PFKFB3: variants seen among roughly 807,000 people sequenced by gnomAD.
PFKFB3 encodes 6-phosphofructo-2-kinase/fructose-2,6-biphosphatase 3.
PFKFB3 carries 33 observed loss-of-function variants against 68.0 expected under a neutral mutation model. The observed-to-expected ratio is 0.49, with a 90% CI of 0.37 to 0.65. The LOEUF (loss-of-function observed/expected upper bound fraction) is 0.65, where lower values mean the gene tolerates loss of function less well. Ranked by LOEUF, PFKFB3 falls within the 30% of genes least tolerant of loss-of-function variation. The probability of loss-of-function intolerance (pLI) is 0.00; values close to 1 mark genes in which losing one functional copy is unlikely to be tolerated. For synonymous variants in PFKFB3, 315 were observed against 288.2 expected (o/e 1.09, Z -0.94); for missense variants, 586 against 712.2 (o/e 0.82, Z 2.02).
chr10:6,218,501 T>C (rs1264900001), intron 6 of PFKFB3, among the ~76,000 whole-genome samples: 1 of 152,122 alleles, frequency 6.6e-6, no homozygotes, highest in Non-Finnish European at 1.5e-5. Flanking sequence ...CGGTCTTGGC[T>C]CACTGCAACC....
At chr10:6,188,853 T>G (rs1447537226) in intron 1 of PFKFB3, among the ~76,000 whole-genome samples, 6 of 99,454 alleles carry the variant, frequency 6.0e-5, no homozygotes, top group South Asian at 6.3e-4. Flanking sequence ...TTTTTTTTTT[T>G]AGACGGAGTC....
the PFKFB3 span, among the ~76,000 whole-genome samples, chr10:6,262,256 C>T: frequency 6.6e-6 from 1 of 151,502 alleles, no homozygotes; most frequent in South Asian, 2.1e-4. Context: ...AGATCGAGAC[C>T]ATCCTGGCTA....
At chr10:6,226,148 T>G (rs769480647) in intron 13 of PFKFB3, 44 bp from the exon 14 acceptor site, 1 of 1,502,154 alleles carries the variant, frequency 6.7e-7, no homozygotes, top group South Asian at 1.3e-5. Context: ...CCTCCCCTTC[T>G]TTGTAACTGT....
intron 2 of PFKFB3, among the ~76,000 whole-genome samples, chr10:6,214,479 A>G (rs1367514513): frequency 2.0e-5 from 3 of 151,764 alleles, no homozygotes; most frequent in African/African-American, 7.3e-5. Context: ...GGTCTTCCCA[A>G]CTAGATGGGG....
chr10:6,154,284 T>C lies in PFKFB3; in HGVS notation c.16+9271T>C, dbSNP rs1841697454. Among the ~76,000 whole-genome samples the C allele has an allele frequency of 1.3e-5, 2 of 151,672 alleles. No homozygotes were observed. The highest frequency in any genetic ancestry group is 4.2e-4 in the South Asian group (2 of 4,794). ...TTTTTGAGGCAGGGTCCCACTCTGTTGGCCAGGCTGGAGTGCAGTGGCGCG... is the reference window on the plus strand; with the variant it reads ...TTTTTGAGGCAGGGTCCCACTCTGTCGGCCAGGCTGGAGTGCAGTGGCGCG... On this transcript the variant is annotated intron_variant, in intron 1 of 14. Coordinates refer to the PFKFB3 transcript ENST00000379789. The surrounding 1 kb of genome is among the most constrained non-coding windows in gnomAD (Gnocchi z 4.6).
the PFKFB3 span, among the ~76,000 whole-genome samples, chr10:6,280,302 C>T: frequency 6.6e-6 from 1 of 152,228 alleles, no homozygotes; most frequent in African/African-American, 2.4e-5. Context: ...CATCCGTCTT[C>T]CTCCTTTGGG....
chr10:6,290,294 A>G, the PFKFB3 span, among the ~76,000 whole-genome samples: 39,396 of 148,792 alleles, frequency 0.26, 4,918 homozygotes, highest in South Asian at 0.3. Context: ...GTTTTCAAAG[A>G]GAATGCTTCC....
the PFKFB3 span, among the ~76,000 whole-genome samples, chr10:6,301,694 A>C: frequency 6.6e-6 from 1 of 152,236 alleles, no homozygotes. Flanking sequence ...GCTCAGCTCA[A>C]AGGGCGGTGT....
At chr10:6,258,082 A>G (rs1271874294), downstream of PFKFB3, among the ~76,000 whole-genome samples, 1 of 152,246 alleles carries the variant, frequency 6.6e-6, no homozygotes, top group African/African-American at 2.4e-5. Context: ...TGCAGCCATC[A>G]ATAAGAAGGA....
chr10:6,290,499 A>ATT, the PFKFB3 span, among the ~76,000 whole-genome samples: 2,698 of 135,874 alleles, frequency 0.02, 59 homozygotes, highest in African/African-American at 0.03. Context: ...TTTGTCTTTG[A>ATT]TTTTTTTTTT....
chr10:6,284,969 G>T, the PFKFB3 span, among the ~76,000 whole-genome samples: 1 of 151,994 alleles, frequency 6.6e-6, no homozygotes, highest in Non-Finnish European at 1.5e-5. Context: ...ACCGTGTATT[G>T]TTCATCCATT....
the PFKFB3 span, among the ~76,000 whole-genome samples, chr10:6,301,105 C>T: frequency 6.6e-6 from 1 of 152,098 alleles, no homozygotes; most frequent in African/African-American, 2.4e-5. Context: ...GCCATGTGAA[C>T]ATGAGATGAT....
chr10:6,163,612 T>G (rs941772648), intron 1 of PFKFB3, among the ~76,000 whole-genome samples: 1 of 151,958 alleles, frequency 6.6e-6, no homozygotes, highest in South Asian at 2.1e-4. Context: ...CGCGCCTGCT[T>G]CCTCCCAGGT....
intron 4 of PFKFB3, 140 bp from the exon 5 acceptor site, chr10:6,216,566 T>C: frequency 1.4e-6 from 1 of 713,506 alleles, no homozygotes; most frequent in Non-Finnish European, 2.5e-6. Context: ...TGGAGAGGAC[T>C]GTGGGCAGGC....
chr10:6,186,804 C>T (rs879310676), intron 1 of PFKFB3, among the ~76,000 whole-genome samples: 1 of 152,054 alleles, frequency 6.6e-6, no homozygotes, highest in Non-Finnish European at 1.5e-5. Context: ...AGCCTTTATT[C>T]GTTCTTTTTG....
the PFKFB3 span, among the ~76,000 whole-genome samples, chr10:6,324,758 A>G: frequency 5.7e-4 from 86 of 152,110 alleles, no homozygotes; most frequent in African/African-American, 1.9e-3. Flanking sequence ...CCTCTGAACT[A>G]TAGACTTAAA....
chr10:6,250,413 C>CAAAA (rs898579015), intron 14 of PFKFB3, among the ~76,000 whole-genome samples: 1 of 151,454 alleles, frequency 6.6e-6, no homozygotes. Context: ...ACTAAAAATA[C>CAAAA]AAAAAAAATT....
chr10:6,215,260 A>C lies in PFKFB3; in HGVS notation c.242A>C (p.Gln81Pro), dbSNP rs547569491. The C allele has an allele frequency of 3.1e-6, 5 of 1,613,946 alleles. No individual in the cohort carries two copies. Among genetic ancestry groups the C allele is most frequent in the Non-Finnish European group, 4.2e-6 (5 of 1,180,028 alleles). ...VGEYRREAVK[Q>P]YSSYNFFRPD... Reference sequence around the variant, plus strand: ...GAGTATCGCCGGGAGGCTGTGAAGCAGTACAGCTCCTACAACTTCTTCCGC... The same window carrying C: ...GAGTATCGCCGGGAGGCTGTGAAGCCGTACAGCTCCTACAACTTCTTCCGC... Residue 81 changes from glutamine to proline, a missense_variant, in exon 3 of 15, where the codon CAG becomes CCG. Gln to Pro is a moderately conservative substitution (Grantham distance 76). Transcript: ENST00000379775. This position sits in a 1 kb window ranked among gnomAD's most constrained non-coding sequence, Gnocchi z 4.3.
the PFKFB3 span, among the ~76,000 whole-genome samples, chr10:6,314,876 G>A: frequency 2.6e-5 from 4 of 152,144 alleles, no homozygotes; most frequent in Non-Finnish European, 4.4e-5. Context: ...ACCCCAGGAC[G>A]TCTCTTCTCT....
Sources: allele counts gnomAD v4.1 joint callset (sites outside exome capture counted in the v4.1 genomes callset), GRCh38; gene constraint gnomAD v4.1.1; non-coding constraint Gnocchi (gnomAD v3.1); transcripts MANE v1.5; gene names NCBI Gene and HGNC (gene_info 2026-07-23, HGNC 2026-07-21).